PTPRD: variants seen among roughly 807,000 people sequenced by gnomAD.
The protein encoded by PTPRD is receptor-type tyrosine-protein phosphatase delta.
Under a neutral mutation model 214.5 loss-of-function variants are expected in PTPRD, and 34 were observed. That is an observed-to-expected ratio of 0.16 (90% CI 0.12 to 0.21). PTPRD has a LOEUF of 0.21. PTPRD is among the 10% of genes least tolerant of loss of function. The pLI is 1.00. For missense variants in PTPRD, 2,545 were observed against 2,398.7 expected (o/e 1.06, Z -1.27); for synonymous variants, 1,128 against 845.7 (o/e 1.33, Z -5.79).
chr9:9,608,989 G>A (rs1380312728), intron 7 of PTPRD, among the ~76,000 whole-genome samples: 1 of 152,066 alleles, frequency 6.6e-6, no homozygotes, highest in Admixed American at 6.6e-5. Context: ...AACTGCTAGA[G>A]TATTGTGATT....
At chr9:8,782,829 C>CAG (rs1324539464) in intron 11 of PTPRD, among the ~76,000 whole-genome samples, 13 of 152,168 alleles carry the variant, frequency 8.5e-5, no homozygotes, top group African/African-American at 2.4e-4. Flanking sequence ...CTCCTGACCT[C>CAG]GTGATCTGCC....
At chr9:8,924,880 A>G (rs2154274841) in intron 11 of PTPRD, among the ~76,000 whole-genome samples, 1 of 152,276 alleles carries the variant, frequency 6.6e-6, no homozygotes, top group African/African-American at 2.4e-5. Context: ...AATTTCAAAA[A>G]GCTGGGTAAT....
intron 11 of PTPRD, among the ~76,000 whole-genome samples, chr9:8,891,711 A>G (rs2098541571): frequency 6.6e-6 from 1 of 152,148 alleles, no homozygotes; most frequent in African/African-American, 2.4e-5. Context: ...TGGGCCAAGT[A>G]GTATGTTAAT....
At chr9:9,296,107 C>T (rs1952927100) in intron 9 of PTPRD, among the ~76,000 whole-genome samples, 1 of 151,732 alleles carries the variant, frequency 6.6e-6, no homozygotes, top group Non-Finnish European at 1.5e-5. Flanking sequence ...AACTACCAAT[C>T]ATGGCCAGTT....
At chr9:8,466,608 G>T (rs1312404083) in intron 31 of PTPRD, among the ~76,000 whole-genome samples, 1 of 151,844 alleles carries the variant, frequency 6.6e-6, no homozygotes, top group Non-Finnish European at 1.5e-5. Context: ...GTTTAACAAG[G>T]GAAAGGTCTG....
At chr9:10,594,695 A>T (rs1339292054) in intron 2 of PTPRD, among the ~76,000 whole-genome samples, 1 of 151,974 alleles carries the variant, frequency 6.6e-6, no homozygotes, top group Non-Finnish European at 1.5e-5. Context: ...ACTGCTTCAG[A>T]GGTACAAGGT....
chr9:9,362,300 T>C (rs1368448443), intron 9 of PTPRD, among the ~76,000 whole-genome samples: 1 of 151,134 alleles, frequency 6.6e-6, no homozygotes, highest in Non-Finnish European at 1.5e-5. Flanking sequence ...TTATTATAAA[T>C]AAATATATAG....
At chr9:9,189,142 C>T (rs1358000890) in intron 9 of PTPRD, among the ~76,000 whole-genome samples, 1 of 151,950 alleles carries the variant, frequency 6.6e-6, no homozygotes, top group Non-Finnish European at 1.5e-5. Flanking sequence ...GTTCACTGAG[C>T]TGTTTTAGTA....
At chr9:10,557,563 G>A (rs928664776) in intron 2 of PTPRD, among the ~76,000 whole-genome samples, 2 of 152,036 alleles carry the variant, frequency 1.3e-5, no homozygotes, top group African/African-American at 2.4e-5. Context: ...TGCTATCACT[G>A]TCCCCAAATC....
At chr9:10,120,468 C>T (rs548374679) in intron 3 of PTPRD, among the ~76,000 whole-genome samples, 48 of 152,026 alleles carry the variant, frequency 3.2e-4, no homozygotes, top group South Asian at 3.1e-3. Flanking sequence ...TCTCAGTCTA[C>T]GTCCTCTGAA....
intron 5 of PTPRD, among the ~76,000 whole-genome samples, chr9:9,791,430 C>A (rs1300865796): frequency 6.6e-6 from 1 of 151,894 alleles, no homozygotes; most frequent in Non-Finnish European, 1.5e-5. Flanking sequence ...TAATTCTTTT[C>A]TAATGGCCTA....
chr9:8,553,661 G>A (rs1324894513), intron 14 of PTPRD, among the ~76,000 whole-genome samples: 2 of 152,118 alleles, frequency 1.3e-5, no homozygotes, highest in Non-Finnish European at 2.9e-5. Flanking sequence ...TGCTCTCATC[G>A]CTTCTCAGCC....
At chr9:8,381,012 T>C (rs922448677) in intron 37 of PTPRD, among the ~76,000 whole-genome samples, 4 of 152,194 alleles carry the variant, frequency 2.6e-5, no homozygotes, top group East Asian at 1.9e-4. Flanking sequence ...GGTTCTAGCA[T>C]TGCTAATCCA....
intron 9 of PTPRD, among the ~76,000 whole-genome samples, chr9:9,320,849 TTTTAA>T (rs1485800961): frequency 1.3e-5 from 2 of 152,196 alleles, no homozygotes; most frequent in Non-Finnish European, 2.9e-5. Context: ...ACTACTCATA[TTTTAA>T]TTTGATTGAG....
chr9:10,236,557 G>C (rs1027812832), intron 3 of PTPRD, among the ~76,000 whole-genome samples: 1 of 151,804 alleles, frequency 6.6e-6, no homozygotes, highest in Non-Finnish European at 1.5e-5. Flanking sequence ...TGCAGTATTA[G>C]ATTTCCCTTA....
intron 9 of PTPRD, among the ~76,000 whole-genome samples, chr9:9,246,411 G>A (rs753881804): frequency 5.9e-5 from 9 of 151,998 alleles, no homozygotes; most frequent in Non-Finnish European, 1.3e-4. Context: ...CAAACTTTGT[G>A]CCTATTCCTG....
chr9:10,183,098 A>G (rs950370425), intron 3 of PTPRD, among the ~76,000 whole-genome samples: 2 of 152,188 alleles, frequency 1.3e-5, no homozygotes, highest in African/African-American at 2.4e-5. Context: ...GTTGTTATGG[A>G]TTTTAACTAC....
intron 2 of PTPRD, among the ~76,000 whole-genome samples, chr9:10,549,567 C>T (rs781090318): frequency 1.3e-5 from 2 of 152,102 alleles, no homozygotes; most frequent in Non-Finnish European, 2.9e-5. Flanking sequence ...AGGCTGAGAA[C>T]TACAGAGAGA....
intron 8 of PTPRD, among the ~76,000 whole-genome samples, chr9:9,551,814 T>G (rs961676402): frequency 1.3e-5 from 2 of 151,996 alleles, no homozygotes; most frequent in African/African-American, 4.8e-5. Flanking sequence ...CTTATGTATC[T>G]GCTAGTGGAC....
Sources: allele counts gnomAD v4.1 joint callset (sites outside exome capture counted in the v4.1 genomes callset), GRCh38; gene constraint gnomAD v4.1.1; transcripts MANE v1.5; gene names NCBI Gene and HGNC (gene_info 2026-07-23, HGNC 2026-07-21).